GSR: variants seen among roughly 807,000 people sequenced by gnomAD.
GSR encodes glutathione-disulfide reductase.
GSR carries 48 observed loss-of-function variants against 56.5 expected under a neutral mutation model. That is an observed-to-expected ratio of 0.85 (90% CI 0.67 to 1.08). The LOEUF is 1.08. GSR is among the 50% of genes least tolerant of loss of function. The pLI is 0.00. For synonymous variants in GSR, 264 were observed against 270.8 expected (o/e 0.97, Z 0.25); for missense variants, 694 against 703.3 (o/e 0.99, Z 0.15).
intron 4 of GSR, chr8:30,707,252 G>A (rs1479980304): frequency 6.6e-6 from 1 of 152,210 alleles, no homozygotes; most frequent in African/African-American, 2.4e-5. Context: ...TAATTGCCAG[G>A]CCAGACCTAC....
At chr8:30,711,336 G>A (rs1586061829) in intron 2 of GSR, among the ~76,000 whole-genome samples, 1 of 152,266 alleles carries the variant, frequency 6.6e-6, no homozygotes, top group South Asian at 2.1e-4. Flanking sequence ...TTACAAATAA[G>A]AGCTGCTGTT....
At chr8:30,681,839 G>A in intron 11 of GSR, 91 bp downstream of exon 11, 1 of 1,226,862 alleles carries the variant, frequency 8.2e-7, no homozygotes, top group Non-Finnish European at 1.2e-6. Flanking sequence ...GCTGAGATAG[G>A]TTTCATCAGC....
chr8:30,693,028 T>C lies in GSR; in HGVS notation c.823A>G (p.Ser275Gly), dbSNP rs1803440431. The C allele has an allele frequency of 1.9e-6, 3 of 1,612,190 alleles. No individual in the cohort carries two copies. The highest frequency in any genetic ancestry group is 1.3e-5 in the African/African-American group (1 of 75,020). ...TCCAGCTCCTCCGTGCAGTTGGTGC[T>C]GATCATTGAATCAAAACTTCTAAGT... The part of the protein sequence containing the change: ...KVLRSFDSMI[S>G]TNCTEELENA... Residue 275 changes from serine to glycine, a missense_variant, in exon 8 of 13, where the codon AGC becomes GGC. Ser to Gly is a moderately conservative substitution (Grantham distance 56). Transcript: ENST00000221130.
intron 1 of GSR, among the ~76,000 whole-genome samples, chr8:30,723,227 C>T (rs945996952): frequency 2.0e-5 from 3 of 152,198 alleles, no homozygotes; most frequent in African/African-American, 7.2e-5. Flanking sequence ...AGGCAAAGCT[C>T]CCAGAAGGCT....
intron 4 of GSR, 57 bp from the exon 5 acceptor site, chr8:30,703,297 TG>T: frequency 6.9e-7 from 1 of 1,448,548 alleles, no homozygotes; most frequent in Non-Finnish European, 9.7e-7. Context: ...AGACACCTAC[TG>T]CAACTTATCA....
At chr8:30,717,174 T>G (rs557862854) in intron 1 of GSR, among the ~76,000 whole-genome samples, 1 of 151,720 alleles carries the variant, frequency 6.6e-6, no homozygotes, top group East Asian at 2.0e-4. Flanking sequence ...GAGGTGGAGG[T>G]TGCCGTGAGC....
chr8:30,712,033 G>C, intron 2 of GSR, 29 bp downstream of exon 2: 1 of 1,177,392 alleles, frequency 8.5e-7, no homozygotes, highest in East Asian at 2.3e-5. Flanking sequence ...AAAAAGGATT[G>C]TAAAGGGAAA....
chr8:30,727,745 G>T lies in GSR; in HGVS notation c.91C>A (p.Pro31Thr). ...GCGCGCGTGAGGGCCGCGGGCTCGG[G>T]CAGAAGCAGCAGGAAGCCTCGGAAG... ...RAFRGFLLLLPEPAALTRALS... is the reference protein window; with the variant it reads ...RAFRGFLLLLTEPAALTRALS... The change falls in exon 1 of 13, where the codon CCC (proline) becomes ACC (threonine). Residue 31 changes from proline (P) to threonine (T), a missense_variant. By Grantham distance (38) the Pro-to-Thr change is conservative (BLOSUM62 -1). Transcript: ENST00000221130. 1.4e-6 allele frequency: 2 copies of T among 1,397,494 alleles called. No individual in the cohort carries two copies. The highest frequency in any genetic ancestry group is 1.5e-5 in the South Asian group (1 of 65,254). 86.6% of individuals were successfully genotyped at this position (1,397,494 alleles called of 1,614,324 possible). A position where few individuals can be genotyped will look rare whatever the true frequency, so the allele number is the denominator to read the frequency against.
In GSR at chr8:30,692,543, C is replaced by T. The variant is rs1803422351; in HGVS notation, c.882+426G>A. Among the ~76,000 whole-genome samples the T allele has an allele frequency of 4.2e-5, 6 of 141,806 alleles. 1 individual carries two copies. The South Asian group carries it at 1.4e-3, about 33-fold the overall frequency. The allele number at this position is 141,806 out of a possible 152,430, so 93.0% of individuals were successfully genotyped here. A position where few individuals can be genotyped will look rare whatever the true frequency, so the allele number is the denominator to read the frequency against. On this transcript the variant is annotated intron_variant, in intron 8 of 12. Coordinates refer to ENST00000221130, the MANE Select transcript of GSR (RefSeq NM_000637.5). ...TGAGACGGAGTCTCGCTCTTGTCGC[C>T]CAGGCTGGAGTGCAGTGGCACAATC...
At chr8:30,713,040 CTT>C (rs923608020) in intron 1 of GSR, among the ~76,000 whole-genome samples, 9 of 145,736 alleles carry the variant, frequency 6.2e-5, no homozygotes, top group East Asian at 2.0e-4. Flanking sequence ...CAGAAAACTA[CTT>C]TTTTTTTTTT....
intron 6 of GSR, among the ~76,000 whole-genome samples, chr8:30,698,793 T>C (rs916827027): frequency 1.3e-5 from 2 of 152,144 alleles, no homozygotes; most frequent in Non-Finnish European, 2.9e-5. Context: ...AGTTGAGCAA[T>C]GCAAACTCCA....
chr8:30,694,375 T>A (rs1473673), intron 7 of GSR, among the ~76,000 whole-genome samples: 16 of 152,312 alleles, frequency 1.1e-4, no homozygotes, highest in African/African-American at 3.8e-4. Context: ...AGTGGCACAA[T>A]CTTTGCTCAC....
chr8:30,696,215 G>A (rs1369515398), intron 7 of GSR, among the ~76,000 whole-genome samples, 165 bp downstream of exon 7: 3 of 152,080 alleles, frequency 2.0e-5, no homozygotes, highest in South Asian at 2.1e-4. Flanking sequence ...GCAACTGGGA[G>A]GGATATAGGC....
intron 3 of GSR, among the ~76,000 whole-genome samples, chr8:30,708,460 T>C (rs1202652160): frequency 1.3e-5 from 2 of 152,202 alleles, no homozygotes; most frequent in Non-Finnish European, 2.9e-5. Flanking sequence ...AAACACTTGC[T>C]AAATAAATAA....
In GSR at chr8:30,727,559, C is replaced by T. The variant is rs766534751; in HGVS notation, c.277G>A (p.Val93Met). ...GTGCCACCCAGCTTGTGGCTCTCCA[C>T]CACGGCGGCCCTGGCACCCAGCTCG... ...AAELGARAAV[V>M]ESHKLGGTCV... The change falls in exon 1 of 13, where the codon GTG (valine) becomes ATG (methionine). Residue 93 changes from valine (V) to methionine (M), a missense_variant. By Grantham distance (21) the Val-to-Met change is conservative. Coordinates refer to ENST00000221130, the MANE Select transcript of GSR (RefSeq NM_000637.5). 6.5e-7 allele frequency: 1 copy of T among 1,536,280 alleles called. No homozygotes were observed. Among genetic ancestry groups the T allele is most frequent in the Non-Finnish European group, 8.7e-7 (1 of 1,145,082 alleles).
chr8:30,720,034 G>A (rs1804476457), intron 1 of GSR, among the ~76,000 whole-genome samples: 1 of 151,870 alleles, frequency 6.6e-6, no homozygotes, highest in Non-Finnish European at 1.5e-5. Flanking sequence ...ACATAGTAAG[G>A]CCTCGTCTCC....
At chr8:30,714,199 A>G (rs1235598695) in intron 1 of GSR, among the ~76,000 whole-genome samples, 3 of 115,258 alleles carry the variant, frequency 2.6e-5, no homozygotes, top group Non-Finnish European at 5.2e-5. Flanking sequence ...TTTGTTCTAT[A>G]TGCTTTTTTT....
intron 6 of GSR, among the ~76,000 whole-genome samples, chr8:30,696,991 G>A (rs1416018368): frequency 6.6e-6 from 1 of 151,902 alleles, no homozygotes; most frequent in African/African-American, 2.4e-5. Context: ...AAGCTACCTT[G>A]CCTAGCCCAG....
At chr8:30,724,544 C>CCTT (rs1804660517) in intron 1 of GSR, among the ~76,000 whole-genome samples, 1 of 84,626 alleles carries the variant, frequency 1.2e-5, no homozygotes, top group Non-Finnish European at 2.0e-5. Flanking sequence ...AACCCCCCAC[C>CCTT]TTTTTTTTTT....
Sources: allele counts gnomAD v4.1 joint callset (sites outside exome capture counted in the v4.1 genomes callset), GRCh38; gene constraint gnomAD v4.1.1; transcripts MANE v1.5; gene names NCBI Gene and HGNC (gene_info 2026-07-23, HGNC 2026-07-21).